Variants in IQGAP2 observed in about 807,000 individuals in gnomAD.
The protein encoded by IQGAP2 is ras GTPase-activating-like protein IQGAP2.
In IQGAP2, 173 loss-of-function variants were observed where a neutral mutation model predicts 201.3. The ratio of observed to expected loss-of-function variants is 0.86; its 90% CI spans 0.76 to 0.98. IQGAP2 has a LOEUF of 0.98. IQGAP2 is among the 50% of genes least tolerant of loss of function. IQGAP2 has a pLI of 0.00. For missense variants in IQGAP2, 1,687 were observed against 1,864.8 expected (o/e 0.90, Z 1.76); for synonymous variants, 675 against 673.9 (o/e 1.00, Z -0.03).
At chr5:76,451,715 T>G (rs999835378) in intron 1 of IQGAP2, among the ~76,000 whole-genome samples, 1 of 152,154 alleles carries the variant, frequency 6.6e-6, no homozygotes, top group Non-Finnish European at 1.5e-5. Flanking sequence ...TCATTATTAT[T>G]ATTTTTTTTT....
chr5:76,598,734 C>T (rs1747213077), intron 10 of IQGAP2, among the ~76,000 whole-genome samples: 1 of 152,022 alleles, frequency 6.6e-6, no homozygotes, highest in Non-Finnish European at 1.5e-5. Context: ...TAGCTTTGGC[C>T]ACAGAGATGT....
At chr5:76,611,758 G>A (rs373762627) in intron 13 of IQGAP2, among the ~76,000 whole-genome samples, 1 of 152,202 alleles carries the variant, frequency 6.6e-6, no homozygotes, top group South Asian at 2.1e-4. Flanking sequence ...AAGACTAGTG[G>A]CTTTTTCTGA....
chr5:76,595,453 AT>A (rs1389387309), intron 9 of IQGAP2, among the ~76,000 whole-genome samples: 2 of 150,774 alleles, frequency 1.3e-5, no homozygotes, highest in Non-Finnish European at 3.0e-5. Flanking sequence ...TTTAGAAGAA[AT>A]TGTTTATTTA....
intron 2 of IQGAP2, among the ~76,000 whole-genome samples, chr5:76,474,652 G>C (rs1184082599): frequency 6.6e-6 from 1 of 152,142 alleles, no homozygotes; most frequent in African/African-American, 2.4e-5. Context: ...CAAGAGTTGA[G>C]GCAGCTATGT....
chr5:76,433,532 G>A (rs185191163), intron 1 of IQGAP2, among the ~76,000 whole-genome samples: 9 of 152,288 alleles, frequency 5.9e-5, no homozygotes, highest in East Asian at 1.9e-4. Context: ...CCCTTCAGAC[G>A]TAGGGGAGGT....
chr5:76,697,099 T>A (rs1746818830), intron 32 of IQGAP2, among the ~76,000 whole-genome samples: 2 of 152,212 alleles, frequency 1.3e-5, no homozygotes, highest in Admixed American at 1.3e-4. Flanking sequence ...CAAGTTTAAA[T>A]TTAGCATAGC....
At chr5:76,409,429 T>C (rs1378405283) in intron 1 of IQGAP2, among the ~76,000 whole-genome samples, 1 of 151,720 alleles carries the variant, frequency 6.6e-6, no homozygotes, top group South Asian at 2.1e-4. Context: ...GTATTTTTGG[T>C]AGAGATGGGG....
chr5:76,429,913 G>A (rs922756330), intron 1 of IQGAP2, among the ~76,000 whole-genome samples: 4 of 149,610 alleles, frequency 2.7e-5, no homozygotes, highest in Non-Finnish European at 1.5e-5. Context: ...CATTTGTATA[G>A]GATTTAGGAC....
intron 11 of IQGAP2, 27 bp downstream of exon 11, chr5:76,600,999 T>G (rs1364364941): frequency 6.2e-7 from 1 of 1,601,992 alleles, no homozygotes; most frequent in Admixed American, 1.7e-5. Flanking sequence ...AAACCTTCTT[T>G]CAATGCAGAA....
chr5:76,467,642 C>G (rs567011054), intron 2 of IQGAP2, among the ~76,000 whole-genome samples: 2 of 152,070 alleles, frequency 1.3e-5, no homozygotes, highest in Non-Finnish European at 2.9e-5. Context: ...CAGGTATATA[C>G]GAATGAAAAT....
intron 2 of IQGAP2, among the ~76,000 whole-genome samples, chr5:76,536,065 C>CTTTTTTTT (rs545584812): frequency 3.2e-5 from 4 of 123,742 alleles, no homozygotes; most frequent in African/African-American, 9.4e-5. Flanking sequence ...GGAGCATATT[C>CTTTTTTTT]TTTTTTTTTT....
intron 8 of IQGAP2, among the ~76,000 whole-genome samples, chr5:76,591,113 A>G (rs1746619349): frequency 6.6e-6 from 1 of 152,082 alleles, no homozygotes; most frequent in Non-Finnish European, 1.5e-5. Context: ...TAGAAAGGGA[A>G]TTTTGTGATG....
rs1249550774 is a variant in IQGAP2 at position 76,484,281 on chromosome 5, C to A, written c.146+22612C>A. 2.6e-5 allele frequency among the ~76,000 whole-genome samples: 4 copies of A among 152,196 alleles called. No individual in the cohort carries two copies. The South Asian group carries it at 6.2e-4, about 24-fold the overall frequency. ...GAAAGTGGCTTTAGTCAGGTGTCAACACCTTCTCAGGGTTACAAGGAATAA... is the reference window on the plus strand; with the variant it reads ...GAAAGTGGCTTTAGTCAGGTGTCAAAACCTTCTCAGGGTTACAAGGAATAA... On this transcript the variant is annotated intron_variant, in intron 2 of 35. Coordinates refer to ENST00000274364, the MANE Select transcript of IQGAP2 (RefSeq NM_006633.5).
chr5:76,636,557 A>G (rs6867296), intron 15 of IQGAP2, among the ~76,000 whole-genome samples: 54,186 of 152,112 alleles, frequency 0.36, 9,681 homozygotes, highest in East Asian at 0.4. Context: ...CGTTGTCTCC[A>G]AAGGTTCTGC....
intron 20 of IQGAP2, among the ~76,000 whole-genome samples, chr5:76,657,255 G>T (rs1030156491): frequency 2.0e-5 from 3 of 152,202 alleles, no homozygotes; most frequent in African/African-American, 7.2e-5. Flanking sequence ...CAGTGGGAGG[G>T]CTCATGTTCC....
intron 2 of IQGAP2, among the ~76,000 whole-genome samples, chr5:76,484,074 T>C (rs1218574312): frequency 1.3e-5 from 2 of 149,480 alleles, no homozygotes; most frequent in South Asian, 2.1e-4. Context: ...TTTTTTTTTT[T>C]CCTGTCCAGC....
At chr5:76,532,509 A>G (rs1476987029) in intron 2 of IQGAP2, among the ~76,000 whole-genome samples, 1 of 152,014 alleles carries the variant, frequency 6.6e-6, no homozygotes, top group Non-Finnish European at 1.5e-5. Flanking sequence ...GGTGATAGAA[A>G]ACCCTTTGCA....
intron 1 of IQGAP2, among the ~76,000 whole-genome samples, chr5:76,433,239 T>C (rs1275622023): frequency 2.0e-5 from 3 of 152,238 alleles, no homozygotes; most frequent in African/African-American, 7.2e-5. Flanking sequence ...TTTAGGGTCT[T>C]AGTCATAAAT....
Position 76,604,698 on chromosome 5 carries a change from G to T in IQGAP2, c.1233-1481G>T, listed in dbSNP as rs879921048. Among the ~76,000 whole-genome samples the T allele has an allele frequency of 3.6e-4, 55 of 152,316 alleles. No homozygotes were observed. In the South Asian group the frequency reaches 5.2e-3, roughly 14 times the overall value. ...TTTGGAATGGTCTCCATCTGTGAGG[G>T]ACACTAACCAGTGCAAGTTACCGAT... is the stretch of plus-strand genomic sequence containing the variant. On this transcript the variant is annotated intron_variant, in intron 11 of 35. Transcript: ENST00000274364.
Sources: gnomAD v4.1 joint callset for allele counts (sites outside exome capture counted in the v4.1 genomes callset) on GRCh38, gnomAD v4.1.1 for gene constraint, MANE v1.5 for transcripts, NCBI Gene and HGNC (gene_info 2026-07-23, HGNC 2026-07-21) for gene names.